NSMCE2: variants seen among roughly 807,000 people sequenced by gnomAD.
NSMCE2 encodes E3 SUMO-protein ligase NSE2.
NSMCE2 carries 24 observed loss-of-function variants against 23.8 expected under a neutral mutation model. The ratio of observed to expected loss-of-function variants is 1.01; its 90% confidence interval spans 0.73 to 1.42. NSMCE2 has a LOEUF of 1.42. Among genes scored for constraint, NSMCE2 ranks in the 40% most tolerant of loss-of-function variants. The pLI, the probability that NSMCE2 is intolerant of heterozygous loss-of-function variation, is 0.00. For synonymous variants in NSMCE2, 92 were observed against 94.1 expected (o/e 0.98, Z 0.13); for missense variants, 284 against 296.5 (o/e 0.96, Z 0.31).
chr8:125,216,439 AG>A (rs1363030364), intron 5 of NSMCE2, among the ~76,000 whole-genome samples: 1 of 152,182 alleles, frequency 6.6e-6, no homozygotes, highest in Non-Finnish European at 1.5e-5. Context: ...CAGGAGTTCA[AG>A]ACCAGCCTGA....
chr8:125,121,564 G>A (rs1194154478), intron 3 of NSMCE2, among the ~76,000 whole-genome samples: 2 of 152,150 alleles, frequency 1.3e-5, no homozygotes, highest in African/African-American at 4.8e-5. Context: ...TGCCAAATGA[G>A]GAGACCATGA....
chr8:125,191,916 TCA>T lies in NSMCE2; in HGVS notation c.418+9663_418+9664del, dbSNP rs573653916. Among the ~76,000 whole-genome samples, 177 of 152,260 alleles carry T rather than the reference TCA, an allele frequency of 1.2e-3. 1 individual carries two copies. The highest frequency in any genetic ancestry group is 4.0e-3 in the African/African-American group (165 of 41,534). ...GGAGGTGACATATTTACCCAGTGTC[TCA>T]CAGTCAAGAGGCCACAAGGATAGCA... On this transcript the variant is annotated intron_variant, in intron 5 of 7. Coordinates refer to ENST00000287437, the MANE Select transcript of NSMCE2 (RefSeq NM_173685.4).
intron 5 of NSMCE2, among the ~76,000 whole-genome samples, chr8:125,267,479 A>G (rs1826975884): frequency 6.6e-6 from 1 of 152,230 alleles, no homozygotes; most frequent in Non-Finnish European, 1.5e-5. Flanking sequence ...AAGGAGTTGA[A>G]TGCTACGCTA....
intron 5 of NSMCE2, among the ~76,000 whole-genome samples, chr8:125,300,845 A>C (rs928344045): frequency 1.3e-5 from 2 of 152,122 alleles, no homozygotes; most frequent in Non-Finnish European, 2.9e-5. Flanking sequence ...ATGAATGTTA[A>C]AAGATGGATT....
intron 5 of NSMCE2, among the ~76,000 whole-genome samples, chr8:125,239,065 G>T (rs1825664447): frequency 6.6e-6 from 1 of 152,042 alleles, no homozygotes; most frequent in Non-Finnish European, 1.5e-5. Context: ...CCACCCTCTG[G>T]CTTTCCTTTG....
At chr8:125,228,754 A>C (rs1203339958) in intron 5 of NSMCE2, among the ~76,000 whole-genome samples, 1 of 152,214 alleles carries the variant, frequency 6.6e-6, no homozygotes, top group East Asian at 1.9e-4. Flanking sequence ...CAGTGAACCT[A>C]CAGCAAGATA....
intron 4 of NSMCE2, among the ~76,000 whole-genome samples, chr8:125,166,904 C>T (rs910478130): frequency 1.3e-5 from 2 of 152,200 alleles, no homozygotes; most frequent in Non-Finnish European, 2.9e-5. Flanking sequence ...TGGCATGCAC[C>T]TGTAGTCCTA....
At chr8:125,126,505 C>T (rs183420795) in intron 3 of NSMCE2, among the ~76,000 whole-genome samples, 1 of 152,230 alleles carries the variant, frequency 6.6e-6, no homozygotes, top group East Asian at 1.9e-4. Flanking sequence ...TTGGGCCTTT[C>T]CAAGAATTTT....
intron 5 of NSMCE2, among the ~76,000 whole-genome samples, chr8:125,268,370 G>A (rs538931595): frequency 1.3e-5 from 2 of 152,136 alleles, no homozygotes; most frequent in Non-Finnish European, 2.9e-5. Context: ...GTTTGAAGGA[G>A]AAAGAAGTTA....
chr8:125,179,279 A>C (rs1186687700), intron 4 of NSMCE2, among the ~76,000 whole-genome samples: 1 of 152,204 alleles, frequency 6.6e-6, no homozygotes, highest in Non-Finnish European at 1.5e-5. Context: ...TAAAGGCTAC[A>C]GTAAACTGTG....
intron 1 of NSMCE2, among the ~76,000 whole-genome samples, chr8:125,100,400 G>A (rs529123616): frequency 7.8e-4 from 118 of 152,080 alleles, no homozygotes; most frequent in African/African-American, 2.7e-3. Context: ...TTTAAACTCA[G>A]TTCTATGTTC....
intron 3 of NSMCE2, among the ~76,000 whole-genome samples, chr8:125,142,053 G>A (rs1056386145): frequency 1.1e-4 from 17 of 152,166 alleles, no homozygotes; most frequent in African/African-American, 3.9e-4. Flanking sequence ...GAGCTAGGAA[G>A]ATGATTTTCA....
intron 5 of NSMCE2, among the ~76,000 whole-genome samples, chr8:125,280,215 A>G (rs1827636965): frequency 6.6e-6 from 1 of 152,218 alleles, no homozygotes; most frequent in Non-Finnish European, 1.5e-5. Flanking sequence ...GAAGAGTTAC[A>G]ACTCCCTCTT....
chr8:125,179,202 C>A (rs1041284857), intron 4 of NSMCE2, among the ~76,000 whole-genome samples: 2 of 152,060 alleles, frequency 1.3e-5, no homozygotes, highest in Non-Finnish European at 2.9e-5. Context: ...AAAGGATGGA[C>A]CTAATAATCT....
intron 4 of NSMCE2, among the ~76,000 whole-genome samples, chr8:125,156,813 A>G (rs1030005113): frequency 6.6e-6 from 1 of 152,212 alleles, no homozygotes; most frequent in African/African-American, 2.4e-5. Context: ...TGTTTTTGAC[A>G]TAGCACTTCC....
chr8:125,268,411 T>C (rs1488494825), intron 5 of NSMCE2, among the ~76,000 whole-genome samples: 2 of 152,110 alleles, frequency 1.3e-5, no homozygotes, highest in Non-Finnish European at 2.9e-5. Context: ...CAAGGTTTTA[T>C]CATGGGCTGC....
chr8:125,205,604 G>A (rs886237053), intron 5 of NSMCE2, among the ~76,000 whole-genome samples: 2 of 152,086 alleles, frequency 1.3e-5, no homozygotes, highest in Admixed American at 6.5e-5. Flanking sequence ...AAACTAGAAA[G>A]TATCTTACTC....
chr8:125,334,125 G>A (rs2131306445), intron 5 of NSMCE2, among the ~76,000 whole-genome samples: 1 of 152,276 alleles, frequency 6.6e-6, no homozygotes, highest in African/African-American at 2.4e-5. Flanking sequence ...GGTTAAATTA[G>A]TTAAAGGGTG....
rs578196243 is a variant in NSMCE2, at chr8:125,137,722, T to C, written c.158-13449T>C. Among the ~76,000 whole-genome samples, 5 of 152,344 alleles carry C rather than the reference T, an allele frequency of 3.3e-5. No homozygotes were observed. In the East Asian group the frequency reaches 9.6e-4, roughly 29 times the overall value. On this transcript the variant is annotated intron_variant, in intron 3 of 7. Transcript: ENST00000287437. ...GTGATTATTGAGGTAGTTAGGCGAA[T>C]GGACTCTGTTATTTAATAGGTCCTG... is the stretch of plus-strand genomic sequence containing the variant.
Sources: gnomAD v4.1 joint callset for allele counts (sites outside exome capture counted in the v4.1 genomes callset) on GRCh38, gnomAD v4.1.1 for gene constraint, MANE v1.5 for transcripts, NCBI Gene and HGNC (gene_info 2026-07-23, HGNC 2026-07-21) for gene names.